ZNF571: variants seen among roughly 807,000 people sequenced by gnomAD.
ZNF571 encodes the protein zinc finger protein 571.
Under a neutral mutation model 7.7 loss-of-function variants are expected in ZNF571, and 4 were observed. The ratio of observed to expected loss-of-function variants is 0.52; its 90% confidence interval spans 0.25 to 1.18. The LOEUF is 1.18. Ranked by LOEUF, ZNF571 falls within the 50% of genes most tolerant of loss-of-function variation. The pLI is 0.14. For synonymous variants in ZNF571, 251 were observed against 232.4 expected, an observed-to-expected ratio of 1.08 and a Z score of -0.73; for missense variants, 704 against 726.9, an observed-to-expected ratio of 0.97 and a Z score of 0.36.
Position 37,566,288 on chromosome 19 carries a change from A to G in ZNF571, c.140T>C (p.Leu47Ser). 1 of 1,594,504 alleles carries G rather than the reference A, an allele frequency of 6.3e-7. No homozygotes were observed. Among genetic ancestry groups the G allele is most frequent in the Non-Finnish European group, 8.5e-7 (1 of 1,171,324 alleles). ...CTTTTTGGTCACACAACTGGATTCCAAGTCTGTAGAATAAAAAGAAAGCAA... is the reference window on the plus strand; with the variant it reads ...CTTTTTGGTCACACAACTGGATTCCGAGTCTGTAGAATAAAAAGAAAGCAA... ...ENYSNLISLD[L>S]ESSCVTKKLS... The change falls in exon 4 of 4, where the codon TTG (leucine) becomes TCG (serine). Residue 47 changes from leucine (L) to serine (S), a missense_variant. Transcript: ENST00000451802.
At position 37,565,019 on chromosome 19, in the gene ZNF571, C is replaced by A. The variant is rs770322825; in HGVS notation, c.1409G>T (p.Gly470Val). 4.3e-6 allele frequency: 7 copies of A among 1,613,598 alleles called. No homozygotes were observed. The highest frequency in any genetic ancestry group is 1.1e-5 in the South Asian group (1 of 91,082). ...TTCCTTACATTCATAATGTTTCTCA[C>A]CATGAATTTTCTCATGTTGAGTAAG... is the stretch of plus-strand genomic sequence containing the variant. ...AYLTQHEKIHGEKHYECKECG... is the reference protein window; with the variant it reads ...AYLTQHEKIHVEKHYECKECG... The change falls in exon 4 of 4, where the codon GGT (glycine) becomes GTT (valine). Residue 470 changes from glycine to valine, a missense_variant. Coordinates refer to ENST00000451802, the MANE Select transcript of ZNF571 (RefSeq NM_016536.5).
At position 37,564,547 on chromosome 19, in the gene ZNF571, G is replaced by T. The variant is rs781452245; in HGVS notation, c.*51C>A. 5 of 1,433,556 alleles carry T rather than the reference G, an allele frequency of 3.5e-6. No individual in the cohort carries two copies. Among genetic ancestry groups the T allele is most frequent in the Non-Finnish European group, 4.6e-6 (5 of 1,083,954 alleles). The allele number at this position is 1,433,556 out of a possible 1,614,324, so 88.8% of individuals were successfully genotyped here. Reference sequence around the variant, plus strand: ...AGCAAGATGTTCTACATTCATTATAGATATGAAATAGATGAAGATTTTCTT... The same window carrying T: ...AGCAAGATGTTCTACATTCATTATATATATGAAATAGATGAAGATTTTCTT... On this transcript the variant is annotated 3_prime_UTR_variant, in exon 4 of 4. Coordinates refer to ENST00000451802, the MANE Select transcript of ZNF571 (RefSeq NM_016536.5).
chr19:37,593,910 G>C (rs2043940919), intron 1 of ZNF571, among the ~76,000 whole-genome samples: 1 of 152,102 alleles, frequency 6.6e-6, no homozygotes, highest in Non-Finnish European at 1.5e-5. Flanking sequence ...AAACGTTTCG[G>C]AAAGGAAGAA....
At chr19:37,590,376 C>T (rs2043832456) in intron 1 of ZNF571, among the ~76,000 whole-genome samples, 1 of 151,760 alleles carries the variant, frequency 6.6e-6, no homozygotes, top group Non-Finnish European at 1.5e-5. Flanking sequence ...AAGATCTCGC[C>T]ACCGCACTCC....
Position 37,565,497 on chromosome 19 carries a change from C to T in ZNF571, c.931G>A (p.Glu311Lys). 1.2e-6 allele frequency: 2 copies of T among 1,613,658 alleles called. No individual in the cohort carries two copies. The highest frequency in any genetic ancestry group is 1.3e-5 in the African/African-American group (1 of 74,996). ...HSGEKPYECK[E>K]CGKAFILGSH... Reference sequence around the variant, plus strand: ...CCAAGAATAAAGGCCTTTCCACATTCCTTACACTCATAAGGTTTCTCACCA... The same window carrying T: ...CCAAGAATAAAGGCCTTTCCACATTTCTTACACTCATAAGGTTTCTCACCA... The change falls in exon 4 of 4, where the codon GAA becomes AAA. Residue 311 changes from glutamate to lysine, a missense_variant. Transcript: ENST00000451802.
At position 37,584,014 on chromosome 19, in the gene ZNF571, G is replaced by A. The variant is rs1177428027; in HGVS notation, c.93C>T (p.Tyr31=). ...TGTAGTTCTCCAACATCACATCCCT[G>A]TACAAGTCCCTCTGAGCAGGGTCCA... ...ECLDPAQRDL[Y]RDVMLENYSN... The change falls in exon 3 of 4, where the codon TAC becomes TAT. Residue 31 remains tyrosine (Y), a synonymous_variant. Transcript: ENST00000451802. The A allele has an allele frequency of 1.7e-5, 27 of 1,613,882 alleles. No individual in the cohort carries two copies. The Admixed American group carries it at 4.5e-4, about 27-fold the overall frequency.
Position 37,564,513 on chromosome 19 carries a change from C to T in ZNF571, c.*85G>A. 7.7e-7 allele frequency: 1 copy of T among 1,298,450 alleles called. No homozygotes were observed. The highest frequency in any genetic ancestry group is 1.0e-6 in the Non-Finnish European group (1 of 984,808). 80.4% of individuals were successfully genotyped at this position (1,298,450 alleles called of 1,614,324 possible). A position where few individuals can be genotyped will look rare whatever the true frequency, so the allele number is the denominator to read the frequency against. ...TAGGCCTTCTAAGAATGAGCAGATT[C>T]TGAGCAGAAGCAAGATGTTCTACAT... On this transcript the variant is annotated 3_prime_UTR_variant, in exon 4 of 4. Coordinates refer to ENST00000451802, the MANE Select transcript of ZNF571 (RefSeq NM_016536.5).
At chr19:37,584,237 T>C (rs893398649) in intron 2 of ZNF571, 140 bp from the exon 3 acceptor site, 39 of 1,065,426 alleles carry the variant, frequency 3.7e-5, no homozygotes, top group Non-Finnish European at 5.1e-5. Flanking sequence ...AGTATTAACC[T>C]GATTCTCTAT....
chr19:37,569,647 C>G lies in ZNF571; in HGVS notation c.137-3356G>C, dbSNP rs2042988832. 6.6e-6 allele frequency among the ~76,000 whole-genome samples: 1 copy of G among 152,064 alleles called. No homozygotes were observed. Among genetic ancestry groups the G allele is most frequent in the Non-Finnish European group, 1.5e-5 (1 of 68,018 alleles). ...ATTCATAACCTCTAGCAGGTTCTGC[C>G]CGGCCTGGCTCCAGTCAACCTCTCC... On this transcript the variant is annotated intron_variant, in intron 3 of 3. Coordinates refer to ENST00000451802, the MANE Select transcript of ZNF571 (RefSeq NM_016536.5). The surrounding 1 kb of genome is among the most constrained non-coding windows in gnomAD (Gnocchi z 4.4).
chr19:37,571,180 A>T lies in ZNF571; in HGVS notation c.137-4889T>A, dbSNP rs183231353. ...TAATAACTGCCCATGACCACACAAC[A>T]TCAAAATGATTTTGCCTTACAAATT... is the stretch of plus-strand genomic sequence containing the variant. On this transcript the variant is annotated intron_variant, in intron 3 of 3. Transcript: ENST00000451802. 4.6e-5 allele frequency among the ~76,000 whole-genome samples: 7 copies of T among 152,236 alleles called. No individual in the cohort carries two copies. In the East Asian group the frequency reaches 1.4e-3, roughly 29 times the overall value.
intron 3 of ZNF571, chr19:37,583,732 G>A (rs2043558360): frequency 2.4e-6 from 1 of 408,704 alleles, no homozygotes; most frequent in Non-Finnish European, 4.4e-6. Context: ...TCATGCTAGG[G>A]GATTCCCAGA....
chr19:37,594,298 G>C (rs2043952135), intron 1 of ZNF571: 1 of 152,272 alleles, frequency 6.6e-6, no homozygotes, highest in Admixed American at 6.5e-5. Flanking sequence ...GAGGAGTACT[G>C]CGGCCCGGGA....
At chr19:37,576,959 A>G (rs948619138) in intron 3 of ZNF571, among the ~76,000 whole-genome samples, 1 of 152,160 alleles carries the variant, frequency 6.6e-6, no homozygotes, top group African/African-American at 2.4e-5. Flanking sequence ...ATCTCTTGCT[A>G]ATTCAGCCTA....
rs147700985 is a variant in ZNF571 at position 37,565,167 on chromosome 19, A to C, written c.1261T>G (p.Cys421Gly). Residue 421 changes from cysteine (C) to glycine (G), a missense_variant, in exon 4 of 4, where the codon TGT (cysteine) becomes GGT (glycine). By Grantham distance (159) the Cys-to-Gly change is radical (BLOSUM62 -3). Coordinates refer to ENST00000451802, the MANE Select transcript of ZNF571 (RefSeq NM_016536.5). ...RIHTGEKPYK[C>G]KECGKAFICG... is the part of the protein sequence containing the mutation. Reference sequence around the variant, plus strand: ...ATAAAGGCCTTTCCACATTCCTTACATTTGTAGGGCTTCTCTCCGGTATGA... The same window carrying C: ...ATAAAGGCCTTTCCACATTCCTTACCTTTGTAGGGCTTCTCTCCGGTATGA... The C allele has an allele frequency of 5.1e-5, 82 of 1,613,444 alleles. 1 individual carries two copies. The highest frequency in any genetic ancestry group is 2.0e-4 in the South Asian group (18 of 90,962).
chr19:37,588,115 A>G (rs1194337765), intron 1 of ZNF571, among the ~76,000 whole-genome samples: 1 of 150,498 alleles, frequency 6.6e-6, no homozygotes, highest in Non-Finnish European at 1.5e-5. Flanking sequence ...AAAAAAAAAA[A>G]AAAAAAAAAA....
intron 3 of ZNF571, among the ~76,000 whole-genome samples, chr19:37,572,398 C>T (rs1278447351): frequency 6.6e-6 from 1 of 152,204 alleles, no homozygotes; most frequent in African/African-American, 2.4e-5. Flanking sequence ...TGAAATCTCA[C>T]ACCATCCTAC....
rs953682404 is a variant in ZNF571, at chr19:37,569,010, G to A, written c.137-2719C>T. ...CTCGCTCTGTCATCCAGGCTGGAGT[G>A]CAGTCGTGCCATCTCAGCTCACTGC... On this transcript the variant is annotated intron_variant, in intron 3 of 3. Coordinates refer to ENST00000451802, the MANE Select transcript of ZNF571 (RefSeq NM_016536.5). This position sits in a 1 kb window ranked among gnomAD's most constrained non-coding sequence, Gnocchi z 4.4. 2.0e-5 allele frequency among the ~76,000 whole-genome samples: 3 copies of A among 151,848 alleles called. No individual in the cohort carries two copies. The highest frequency in any genetic ancestry group is 4.8e-5 in the African/African-American group (2 of 41,312).
intron 2 of ZNF571, among the ~76,000 whole-genome samples, chr19:37,584,401 C>T (rs952056662): frequency 6.6e-6 from 1 of 152,178 alleles, no homozygotes; most frequent in Non-Finnish European, 1.5e-5. Flanking sequence ...AATTGCACAG[C>T]AGATAAGGCT....
Position 37,566,138 on chromosome 19 carries a change from T to A in ZNF571, c.290A>T (p.Glu97Val). The change falls in exon 4 of 4, where the codon GAG (glutamate) becomes GTG (valine). Residue 97 changes from glutamate to valine, a missense_variant. By Grantham distance (121) the Glu-to-Val change is moderately radical (BLOSUM62 -2). Coordinates refer to ENST00000451802, the MANE Select transcript of ZNF571 (RefSeq NM_016536.5). ...GDNMECKGNL[E>V]GQEASQEGLY... The stretch of plus-strand genomic sequence containing the variant: ...CCCTTCCTGACTTGCTTCTTGACCC[T>A]CTAAGTTGCCTTTGCACTCCATATT... 6.2e-7 allele frequency: 1 copy of A among 1,614,054 alleles called. No individual in the cohort carries two copies. The highest frequency in any genetic ancestry group is 8.5e-7 in the Non-Finnish European group (1 of 1,179,930).
Sources: allele counts gnomAD v4.1 joint callset (sites outside exome capture counted in the v4.1 genomes callset), GRCh38; gene constraint gnomAD v4.1.1; non-coding constraint Gnocchi (gnomAD v3.1); transcripts MANE v1.5; gene names NCBI Gene and HGNC (gene_info 2026-07-23, HGNC 2026-07-21).